The following CSMD1 variants were observed in gnomAD, a reference collection of about 807,000 sequenced individuals.
CSMD1 encodes the protein CUB and Sushi multiple domains 1.
A neutral mutation model predicts 417.5 loss-of-function variants in CSMD1; 213 were observed. The observed-to-expected ratio is 0.51, with a 90% CI of 0.46 to 0.57. CSMD1 has a LOEUF of 0.57. Among genes scored for constraint, CSMD1 ranks in the 20% least tolerant of loss-of-function variants. The pLI is 0.00. For missense variants in CSMD1, 6,923 were observed against 4,529.7 expected, an observed-to-expected ratio of 1.53 and a Z score of -15.17; for synonymous variants, 2,862 against 1,736.8, an observed-to-expected ratio of 1.65 and a Z score of -16.11.
At chr8:3,803,534 G>A (rs1800571983) in intron 5 of CSMD1, among the ~76,000 whole-genome samples, 1 of 152,190 alleles carries the variant, frequency 6.6e-6, no homozygotes, top group South Asian at 2.1e-4. Context: ...CTGGGCCCAG[G>A]ACAGAGGTAC....
chr8:3,293,246 G>A (rs1227473030), intron 25 of CSMD1, among the ~76,000 whole-genome samples: 1 of 152,050 alleles, frequency 6.6e-6, no homozygotes, highest in African/African-American at 2.4e-5. Flanking sequence ...TTTCTCTCTG[G>A]CTGCCTTTAA....
chr8:4,425,970 G>C (rs904362048), intron 2 of CSMD1, among the ~76,000 whole-genome samples: 2 of 151,872 alleles, frequency 1.3e-5, no homozygotes, highest in Middle Eastern at 3.5e-3. Context: ...TAGAGAGGTA[G>C]ACATAGCCCA....
intron 1 of CSMD1, among the ~76,000 whole-genome samples, chr8:4,846,955 T>C (rs868355929): frequency 6.6e-6 from 1 of 152,156 alleles, no homozygotes; most frequent in Non-Finnish European, 1.5e-5. Flanking sequence ...AAAAAGATTA[T>C]GTAGTGATTT....
At chr8:4,989,259 T>C (rs534173358) in intron 1 of CSMD1, among the ~76,000 whole-genome samples, 1 of 152,160 alleles carries the variant, frequency 6.6e-6, no homozygotes, top group African/African-American at 2.4e-5. Context: ...TGCATATCCA[T>C]GCCAGGTCTA....
At chr8:3,816,794 C>T (rs1185207861) in intron 5 of CSMD1, among the ~76,000 whole-genome samples, 2 of 151,944 alleles carry the variant, frequency 1.3e-5, no homozygotes, top group Non-Finnish European at 2.9e-5. Flanking sequence ...ATATGGTATA[C>T]TGTATATAGG....
chr8:3,891,690 A>G (rs548595784), intron 5 of CSMD1, among the ~76,000 whole-genome samples: 1 of 151,648 alleles, frequency 6.6e-6, no homozygotes, highest in South Asian at 2.1e-4. Context: ...CTCAAAACGA[A>G]AAAAAAAGGA....
At chr8:3,843,050 A>G (rs1434174205) in intron 5 of CSMD1, among the ~76,000 whole-genome samples, 1 of 152,186 alleles carries the variant, frequency 6.6e-6, no homozygotes, top group East Asian at 1.9e-4. Context: ...TTTGCACATG[A>G]TAAATGTTGT....
intron 10 of CSMD1, among the ~76,000 whole-genome samples, chr8:3,566,459 C>T (rs745373552): frequency 8.5e-5 from 13 of 152,126 alleles, no homozygotes; most frequent in Non-Finnish European, 1.5e-4. Flanking sequence ...CCGTACCGCT[C>T]CTCCTGCACC....
chr8:2,993,596 A>T (rs758305807), intron 54 of CSMD1, among the ~76,000 whole-genome samples: 12 of 152,230 alleles, frequency 7.9e-5, no homozygotes, highest in Non-Finnish European at 1.6e-4. Flanking sequence ...AAAAGCAAGA[A>T]TAAAGCTGAA....
Position 4,457,215 on chromosome 8 carries a change from G to C in CSMD1, c.303-37150C>G, listed in dbSNP as rs138586179. 9.9e-5 allele frequency among the ~76,000 whole-genome samples: 15 copies of C among 152,170 alleles called. No individual in the cohort carries two copies. In the East Asian group the frequency reaches 2.7e-3, roughly 27 times the overall value. On this transcript the variant is annotated intron_variant, in intron 2 of 69. Coordinates refer to ENST00000635120, the MANE Select transcript of CSMD1 (RefSeq NM_033225.6). ...CTGTTAAACACATGTGGAGGGAAGG[G>C]GGGAACTCATCTTTCCCATTCTCAA... is the stretch of plus-strand genomic sequence containing the variant.
At chr8:4,404,287 G>A (rs1804859945) in intron 3 of CSMD1, among the ~76,000 whole-genome samples, 1 of 152,060 alleles carries the variant, frequency 6.6e-6, no homozygotes, top group Non-Finnish European at 1.5e-5. Flanking sequence ...CTTATGATAT[G>A]CTGTATATTT....
chr8:4,659,675 G>C (rs1563085383), intron 1 of CSMD1, among the ~76,000 whole-genome samples: 1 of 152,114 alleles, frequency 6.6e-6, no homozygotes, highest in African/African-American at 2.4e-5. Flanking sequence ...AATGAGTATG[G>C]GGTTTCCTTT....
chr8:3,437,640 G>A (rs1814655048), intron 12 of CSMD1, among the ~76,000 whole-genome samples: 1 of 152,084 alleles, frequency 6.6e-6, no homozygotes, highest in African/African-American at 2.4e-5. Flanking sequence ...AGATGGTTGT[G>A]ATTATAATTT....
At chr8:4,949,651 G>A (rs368898194) in intron 1 of CSMD1, among the ~76,000 whole-genome samples, 1 of 152,202 alleles carries the variant, frequency 6.6e-6, no homozygotes, top group East Asian at 1.9e-4. Flanking sequence ...ACCCCACATG[G>A]CAATAGTGCC....
At chr8:3,358,391 C>T (rs548101863) in intron 21 of CSMD1, among the ~76,000 whole-genome samples, 50 of 152,256 alleles carry the variant, frequency 3.3e-4, no homozygotes, top group South Asian at 1.0e-3. Flanking sequence ...AGACGTTGTC[C>T]GTATAGCTAA....
intron 3 of CSMD1, among the ~76,000 whole-genome samples, chr8:4,288,333 C>A (rs535367449): frequency 6.6e-6 from 1 of 152,118 alleles, no homozygotes; most frequent in East Asian, 1.9e-4. Flanking sequence ...GCTCCCTTCA[C>A]CCTTCAATTT....
intron 3 of CSMD1, among the ~76,000 whole-genome samples, chr8:4,232,262 G>A (rs974722434): frequency 2.0e-5 from 3 of 152,110 alleles, no homozygotes; most frequent in Admixed American, 2.0e-4. Context: ...GCAGTGGCAC[G>A]ATCTTGGCTC....
intron 2 of CSMD1, among the ~76,000 whole-genome samples, chr8:4,518,988 C>G (rs1465973278): frequency 3.3e-5 from 5 of 152,114 alleles, no homozygotes; most frequent in Non-Finnish European, 5.9e-5. Flanking sequence ...CCCACTTTCT[C>G]TTTTGCTGCA....
chr8:4,503,423 T>C (rs2130296805), intron 2 of CSMD1, among the ~76,000 whole-genome samples: 1 of 152,238 alleles, frequency 6.6e-6, no homozygotes, highest in Non-Finnish European at 1.5e-5. Flanking sequence ...GTCGAGAAAA[T>C]ACATTTATAT....
Sources: gnomAD v4.1 joint callset for allele counts (sites outside exome capture counted in the v4.1 genomes callset) on GRCh38, gnomAD v4.1.1 for gene constraint, MANE v1.5 for transcripts, NCBI Gene and HGNC (gene_info 2026-07-23, HGNC 2026-07-21) for gene names.